The following RSRC1 variants were observed in gnomAD, a reference collection of about 807,000 sequenced individuals.
RSRC1 encodes arginine and serine rich coiled-coil 1, also known as serine/Arginine-related protein 53.
A neutral mutation model predicts 49.1 loss-of-function variants in RSRC1; 39 were observed. The ratio of observed to expected loss-of-function variants is 0.79; its 90% CI spans 0.61 to 1.04. The LOEUF (loss-of-function observed/expected upper bound fraction) is 1.04. RSRC1 is among the 50% of genes least tolerant of loss of function. RSRC1 has a pLI of 0.00. For missense variants in RSRC1, 388 were observed against 402.4 expected (o/e 0.96, Z 0.31); for synonymous variants, 143 against 130.8 (o/e 1.09, Z -0.63).
chr3:158,396,710 G>A (rs1733631989), intron 6 of RSRC1, among the ~76,000 whole-genome samples: 1 of 152,010 alleles, frequency 6.6e-6, no homozygotes, highest in Non-Finnish European at 1.5e-5. Context: ...ATATCTGAAG[G>A]ACACAAGAAT....
At chr3:158,273,035 A>G (rs1332082546) in intron 4 of RSRC1, among the ~76,000 whole-genome samples, 2 of 152,082 alleles carry the variant, frequency 1.3e-5, no homozygotes, top group Non-Finnish European at 2.9e-5. Flanking sequence ...GTTAAAAAAA[A>G]GAACCTGTTT....
intron 4 of RSRC1, among the ~76,000 whole-genome samples, chr3:158,217,232 A>G (rs1161032203): frequency 6.6e-6 from 1 of 151,704 alleles, no homozygotes; most frequent in East Asian, 1.9e-4. Context: ...TGAGAATATG[A>G]GAATCCTCTT....
chr3:158,360,160 A>G (rs1731388101), intron 6 of RSRC1, among the ~76,000 whole-genome samples: 1 of 151,938 alleles, frequency 6.6e-6, no homozygotes, highest in South Asian at 2.1e-4. Flanking sequence ...AGGAAGCCCT[A>G]GAGTTGGTGG....
intron 5 of RSRC1, among the ~76,000 whole-genome samples, chr3:158,305,926 G>A (rs1043928218): frequency 1.7e-4 from 26 of 151,886 alleles, no homozygotes; most frequent in African/African-American, 6.3e-4. Flanking sequence ...CAAAGCATAA[G>A]ACTTTTTAAA....
intron 3 of RSRC1, among the ~76,000 whole-genome samples, chr3:158,167,870 G>GT (rs1189734288): frequency 2.0e-5 from 3 of 152,102 alleles, no homozygotes; most frequent in Admixed American, 6.6e-5. Flanking sequence ...TTCACTTGCT[G>GT]TTTTTTGGAT....
At chr3:158,145,072 T>G (rs984362561) in intron 3 of RSRC1, among the ~76,000 whole-genome samples, 4 of 152,186 alleles carry the variant, frequency 2.6e-5, no homozygotes, top group Non-Finnish European at 4.4e-5. Flanking sequence ...TTTCTCCCAT[T>G]CTGTAGGTTG....
intron 1 of RSRC1, among the ~76,000 whole-genome samples, chr3:158,121,442 G>A (rs924565084): frequency 2.6e-5 from 4 of 152,092 alleles, no homozygotes; most frequent in Non-Finnish European, 5.9e-5. Flanking sequence ...TACTAGCAGT[G>A]TGTGAAGAGC....
intron 5 of RSRC1, among the ~76,000 whole-genome samples, chr3:158,313,784 T>C (rs532812214): frequency 6.6e-6 from 1 of 152,356 alleles, no homozygotes; most frequent in East Asian, 1.9e-4. Context: ...ATATCCCAGC[T>C]CATTTCTAAA....
chr3:158,388,719 C>G (rs1438656535), intron 6 of RSRC1, among the ~76,000 whole-genome samples: 3 of 151,866 alleles, frequency 2.0e-5, no homozygotes, highest in Non-Finnish European at 2.9e-5. Flanking sequence ...ACGCCATTCT[C>G]CTGCCGCAGC....
At chr3:158,339,737 T>C (rs1730126378) in intron 5 of RSRC1, among the ~76,000 whole-genome samples, 1 of 152,246 alleles carries the variant, frequency 6.6e-6, no homozygotes, top group South Asian at 2.1e-4. Flanking sequence ...TCCTAGGTGC[T>C]AATGATACAG....
intron 4 of RSRC1, among the ~76,000 whole-genome samples, chr3:158,236,907 G>A (rs2107982626): frequency 6.6e-6 from 1 of 152,282 alleles, no homozygotes; most frequent in Admixed American, 6.5e-5. Flanking sequence ...GGAGCTGCCA[G>A]TCTCTGATTG....
chr3:158,197,242 G>A (rs1720688206), intron 3 of RSRC1, among the ~76,000 whole-genome samples: 1 of 152,134 alleles, frequency 6.6e-6, no homozygotes, highest in South Asian at 2.1e-4. Context: ...GGGTGTATGT[G>A]TCGAGGAATT....
intron 4 of RSRC1, among the ~76,000 whole-genome samples, chr3:158,260,143 G>GA (rs1559966022): frequency 1.5e-4 from 22 of 151,434 alleles, no homozygotes; most frequent in Admixed American, 3.3e-4. Flanking sequence ...TTTTCTGAAG[G>GA]AGGAGTCTCT....
At chr3:158,357,454 A>G (rs927032512) in intron 6 of RSRC1, among the ~76,000 whole-genome samples, 1 of 152,174 alleles carries the variant, frequency 6.6e-6, no homozygotes, top group African/African-American at 2.4e-5. Context: ...AGTTCCGTGA[A>G]TATGTTGCTG....
chr3:158,118,008 G>A (rs1714956741), intron 1 of RSRC1, among the ~76,000 whole-genome samples: 1 of 151,940 alleles, frequency 6.6e-6, no homozygotes, highest in South Asian at 2.1e-4. Flanking sequence ...GGAATGCAGT[G>A]GCACAATGTT....
chr3:158,316,403 C>T (rs1018217318), intron 5 of RSRC1, among the ~76,000 whole-genome samples: 2 of 149,276 alleles, frequency 1.3e-5, no homozygotes, highest in South Asian at 2.1e-4. Context: ...ATTTTTCCAC[C>T]TGCTTTTTCT....
At chr3:158,247,116 T>C (rs1290970411) in intron 4 of RSRC1, among the ~76,000 whole-genome samples, 1 of 152,192 alleles carries the variant, frequency 6.6e-6, no homozygotes, top group Non-Finnish European at 1.5e-5. Flanking sequence ...CCTGTCCTTA[T>C]TCAGAAAGCC....
chr3:158,463,432 AT>A (rs1446664921), intron 7 of RSRC1, among the ~76,000 whole-genome samples: 2 of 152,098 alleles, frequency 1.3e-5, no homozygotes, highest in Non-Finnish European at 2.9e-5. Context: ...ATCAGTATGC[AT>A]GTGTGTATAT....
intron 7 of RSRC1, among the ~76,000 whole-genome samples, chr3:158,503,808 C>T (rs1321385798): frequency 1.3e-5 from 2 of 152,086 alleles, no homozygotes; most frequent in Non-Finnish European, 2.9e-5. Flanking sequence ...CCAGACTACC[C>T]GTCTCCCAGA....
Sources: allele counts gnomAD v4.1 joint callset (sites outside exome capture counted in the v4.1 genomes callset), GRCh38; gene constraint gnomAD v4.1.1; transcripts MANE v1.5; gene names NCBI Gene and HGNC (gene_info 2026-07-23, HGNC 2026-07-21).